Variants in PXDNL observed in about 807,000 individuals in gnomAD.
The protein encoded by PXDNL is probable oxidoreductase PXDNL.
In PXDNL, 145 loss-of-function variants were observed where a neutral mutation model predicts 150.8. That is an observed-to-expected ratio of 0.96 (90% CI 0.84 to 1.10). The LOEUF (loss-of-function observed/expected upper bound fraction) is 1.10, where lower values mean the gene tolerates loss of function less well. PXDNL is among the 50% of genes least tolerant of loss of function. The probability of loss-of-function intolerance (pLI) is 0.00; values close to 1 mark genes in which losing one functional copy is unlikely to be tolerated. For synonymous variants in PXDNL, 757 were observed against 725.7 expected, an observed-to-expected ratio of 1.04 and a Z score of -0.69; for missense variants, 2,087 against 1,873.9, an observed-to-expected ratio of 1.11 and a Z score of -2.10.
At chr8:51,708,414 G>A (rs888317892) in intron 1 of PXDNL, among the ~76,000 whole-genome samples, 4 of 152,198 alleles carry the variant, frequency 2.6e-5, no homozygotes, top group African/African-American at 9.6e-5. Context: ...AAAGACAATG[G>A]AGCTAAGAAA....
intron 4 of PXDNL, among the ~76,000 whole-genome samples, chr8:51,538,726 A>G (rs1229119935): frequency 6.6e-6 from 1 of 152,206 alleles, no homozygotes; most frequent in Admixed American, 6.5e-5. Flanking sequence ...AGATCGTGCC[A>G]GTACACTACA....
intron 1 of PXDNL, among the ~76,000 whole-genome samples, chr8:51,682,633 C>G (rs925311847): frequency 6.6e-6 from 1 of 152,128 alleles, no homozygotes; most frequent in Non-Finnish European, 1.5e-5. Context: ...GTCAAGCTTG[C>G]CTTTGTTAAC....
intron 9 of PXDNL, among the ~76,000 whole-genome samples, chr8:51,455,231 T>C (rs1809913762): frequency 6.6e-6 from 1 of 151,696 alleles, no homozygotes; most frequent in South Asian, 2.1e-4. Flanking sequence ...GATAATCTGA[T>C]GCATGCATGG....
At chr8:51,486,604 CT>C (rs908333118) in intron 5 of PXDNL, among the ~76,000 whole-genome samples, 3 of 150,914 alleles carry the variant, frequency 2.0e-5, no homozygotes, top group Non-Finnish European at 3.0e-5. Context: ...TTGTAGTTTC[CT>C]TTTTTTCTTT....
At chr8:51,430,762 C>T (rs1177669451) in intron 12 of PXDNL, among the ~76,000 whole-genome samples, 4 of 152,166 alleles carry the variant, frequency 2.6e-5, no homozygotes. Context: ...AAATGCTAAA[C>T]TCCTTTACCC....
At chr8:51,609,614 G>T (rs1450904962) in intron 2 of PXDNL, among the ~76,000 whole-genome samples, 1 of 152,148 alleles carries the variant, frequency 6.6e-6, no homozygotes, top group Non-Finnish European at 1.5e-5. Context: ...AAACAAAGGT[G>T]AAACACACAT....
intron 4 of PXDNL, among the ~76,000 whole-genome samples, chr8:51,552,334 T>A (rs1812507648): frequency 6.6e-6 from 1 of 152,176 alleles, no homozygotes; most frequent in Admixed American, 6.5e-5. Context: ...ACTGGGTATC[T>A]ACCCACAGAA....
chr8:51,597,397 T>C (rs1043703230), intron 2 of PXDNL, among the ~76,000 whole-genome samples: 1 of 152,158 alleles, frequency 6.6e-6, no homozygotes, highest in African/African-American at 2.4e-5. Context: ...TATTTAGGGT[T>C]TCATATAAAT....
intron 2 of PXDNL, among the ~76,000 whole-genome samples, chr8:51,653,968 C>T (rs542054877): frequency 9.9e-4 from 150 of 152,262 alleles, no homozygotes; most frequent in African/African-American, 3.4e-3. Context: ...CTCCTTATAG[C>T]ACTTACTATA....
At chr8:51,510,572 G>A (rs1458655091) in intron 4 of PXDNL, among the ~76,000 whole-genome samples, 1 of 152,190 alleles carries the variant, frequency 6.6e-6, no homozygotes, top group African/African-American at 2.4e-5. Flanking sequence ...TAGGCCACAT[G>A]CAGAGGGACT....
chr8:51,608,400 A>G (rs111717002), intron 2 of PXDNL, among the ~76,000 whole-genome samples: 69 of 143,334 alleles, frequency 4.8e-4, no homozygotes, highest in East Asian at 1.8e-3. Flanking sequence ...AAAAAAAAAA[A>G]AAAGAAAGAA....
intron 12 of PXDNL, among the ~76,000 whole-genome samples, chr8:51,441,663 G>C (rs1809552752): frequency 1.3e-5 from 2 of 148,346 alleles, no homozygotes; most frequent in East Asian, 1.9e-4. Context: ...CTGGTACACA[G>C]ATAGATCACT....
At chr8:51,658,138 T>C (rs1456259233) in intron 1 of PXDNL, among the ~76,000 whole-genome samples, 1 of 151,360 alleles carries the variant, frequency 6.6e-6, no homozygotes, top group Non-Finnish European at 1.5e-5. Flanking sequence ...AGCACAGGAG[T>C]TCGAGACCAG....
chr8:51,762,293 C>A (rs966146925), intron 1 of PXDNL, among the ~76,000 whole-genome samples: 7 of 152,160 alleles, frequency 4.6e-5, no homozygotes, highest in African/African-American at 1.4e-4. Context: ...CCTTGCCATA[C>A]CTTGAAATTA....
At chr8:51,784,935 C>T (rs1435267193) in intron 1 of PXDNL, among the ~76,000 whole-genome samples, 1 of 152,210 alleles carries the variant, frequency 6.6e-6, no homozygotes, top group Admixed American at 6.5e-5. Flanking sequence ...ATAGGTTTTG[C>T]TTATTGAAAT....
intron 1 of PXDNL, among the ~76,000 whole-genome samples, chr8:51,679,291 C>T (rs541582030): frequency 4.6e-5 from 7 of 152,128 alleles, no homozygotes; most frequent in African/African-American, 1.7e-4. Flanking sequence ...GTCTAGGCCT[C>T]GCACTTATAG....
chr8:51,594,478 G>T (rs1813519905), intron 2 of PXDNL, among the ~76,000 whole-genome samples: 1 of 152,154 alleles, frequency 6.6e-6, no homozygotes, highest in Non-Finnish European at 1.5e-5. Flanking sequence ...TATATTAAAT[G>T]TGCTTGAAGC....
chr8:51,418,450 T>A (rs1306173481), intron 14 of PXDNL, among the ~76,000 whole-genome samples: 1 of 152,214 alleles, frequency 6.6e-6, no homozygotes, highest in African/African-American at 2.4e-5. Flanking sequence ...GATACTTTAT[T>A]GTCCACTTAT....
chr8:51,345,132 T>A (rs1049137730), intron 20 of PXDNL, among the ~76,000 whole-genome samples: 1 of 152,234 alleles, frequency 6.6e-6, no homozygotes, highest in Non-Finnish European at 1.5e-5. Flanking sequence ...GCATGGACTA[T>A]GAAGCTGTGA....
Sources: gnomAD v4.1 joint callset for allele counts (sites outside exome capture counted in the v4.1 genomes callset) on GRCh38, gnomAD v4.1.1 for gene constraint, MANE v1.5 for transcripts, NCBI Gene and HGNC (gene_info 2026-07-23, HGNC 2026-07-21) for gene names.